Variants in CLCA1 observed in about 807,000 individuals in gnomAD.
The protein encoded by CLCA1 is calcium-activated chloride channel regulator 1.
Under a neutral mutation model 85.6 loss-of-function variants are expected in CLCA1, and 59 were observed. That is an observed-to-expected ratio of 0.69 (90% CI 0.56 to 0.86). The LOEUF (loss-of-function observed/expected upper bound fraction) is 0.86. Ranked by LOEUF, CLCA1 falls within the 40% of genes least tolerant of loss-of-function variation. The pLI, the probability that CLCA1 is intolerant of heterozygous loss-of-function variation, is 0.00. For missense variants in CLCA1, 1,022 were observed against 1,101.4 expected (o/e 0.93, Z 1.02); for synonymous variants, 396 against 398.3 (o/e 0.99, Z 0.07).
intron 4 of CLCA1, among the ~76,000 whole-genome samples, chr1:86,478,243 T>C (rs939523832): frequency 6.6e-6 from 1 of 151,962 alleles, no homozygotes; most frequent in Non-Finnish European, 1.5e-5. Context: ...CTGGCCAACA[T>C]GGAAAACTCC....
Position 86,473,921 on chromosome 1 carries a change from A to G in CLCA1, c.451+45A>G, listed in dbSNP as rs142655328. 78 of 1,447,412 alleles carry G rather than the reference A, an allele frequency of 5.4e-5. No individual in the cohort carries two copies. The African/African-American group carries it at 8.5e-4, about 16-fold the overall frequency. 89.7% of individuals were successfully genotyped at this position (1,447,412 alleles called of 1,614,324 possible). ...ACTTCTCATACAATTTAACTATTTT[A>G]TGTTCAAAGTGTATCAACACTAGCA... On this transcript the variant is annotated intron_variant, in intron 3 of 13. Coordinates refer to ENST00000394711, the MANE Select transcript of CLCA1 (RefSeq NM_001285.4).
chr1:86,475,256 C>G (rs1198272263), intron 3 of CLCA1, among the ~76,000 whole-genome samples: 1 of 152,196 alleles, frequency 6.6e-6, no homozygotes, highest in Non-Finnish European at 1.5e-5. Flanking sequence ...TTTAAAGAGA[C>G]CACCAATACC....
intron 7 of CLCA1, 91 bp downstream of exon 7, chr1:86,486,844 G>T: frequency 9.0e-7 from 1 of 1,108,544 alleles, no homozygotes; most frequent in Non-Finnish European, 1.4e-6. Context: ...ACATGCCTAG[G>T]GTCCAACTGG....
At chr1:86,494,125 T>C in intron 10 of CLCA1, 62 bp from the exon 11 acceptor site, 2 of 1,585,884 alleles carry the variant, frequency 1.3e-6, no homozygotes, top group Non-Finnish European at 1.7e-6. Context: ...TACGTGACAT[T>C]GAAGTCAGGT....
At chr1:86,484,356 T>C (rs1020077956) in intron 5 of CLCA1, among the ~76,000 whole-genome samples, 3 of 152,168 alleles carry the variant, frequency 2.0e-5, no homozygotes, top group South Asian at 2.1e-4. Context: ...GTTTACAACG[T>C]AGAAGACAGA....
rs1298172298 is a variant in CLCA1 at position 86,482,421 on chromosome 1, T to C, written c.735+39T>C. The C allele has an allele frequency of 1.9e-6, 3 of 1,573,178 alleles. No individual in the cohort carries two copies. The African/African-American group carries it at 4.1e-5, about 21-fold the overall frequency. On this transcript the variant is annotated intron_variant, in intron 5 of 13. Coordinates refer to ENST00000394711, the MANE Select transcript of CLCA1 (RefSeq NM_001285.4). The stretch of plus-strand genomic sequence containing the variant: ...TCTCACCCCCTCCCCCAGATTCTTA[T>C]GAATTTAGTGAGGCTTTTACTCCAA...
At chr1:86,491,187 G>A (rs747428205) in intron 8 of CLCA1, 78 bp from the exon 9 acceptor site, 13 of 936,318 alleles carry the variant, frequency 1.4e-5, no homozygotes, top group Non-Finnish European at 2.0e-5. Context: ...TATATTGTAT[G>A]CTCTCTAAAC....
intron 8 of CLCA1, among the ~76,000 whole-genome samples, chr1:86,490,820 T>A (rs1181263110): frequency 6.6e-6 from 1 of 151,184 alleles, no homozygotes; most frequent in Non-Finnish European, 1.5e-5. Context: ...AATCCCAGAA[T>A]TTTAGGAGGC....
intron 3 of CLCA1, among the ~76,000 whole-genome samples, chr1:86,475,132 C>T (rs1647608232): frequency 6.6e-6 from 1 of 152,166 alleles, no homozygotes; most frequent in African/African-American, 2.4e-5. Flanking sequence ...ATTGACCTGA[C>T]TGCCTCATCC....
Position 86,493,606 on chromosome 1 carries a change from A to G in CLCA1, c.1680+7A>G, listed in dbSNP as rs1470980320. The stretch of plus-strand genomic sequence containing the variant: ...AATCCCAGGCATTGCTAAGGTATGG[A>G]GTCAGCTTTTTTTCTTTCTCATAAT... On this transcript the variant is annotated splice_region_variant and intron_variant, in intron 10 of 13. Coordinates refer to ENST00000394711, the MANE Select transcript of CLCA1 (RefSeq NM_001285.4). 37 of 1,600,152 alleles carry G rather than the reference A, an allele frequency of 2.3e-5. No individual in the cohort carries two copies. The highest frequency in any genetic ancestry group is 2.9e-5 in the Non-Finnish European group (34 of 1,168,460).
At position 86,494,846 on chromosome 1, in the gene CLCA1, C is replaced by T. The variant is rs894986533; in HGVS notation, c.1942+398C>T. ...ACATATATACAAAGATGTATATAACCTTTGTTTTTATAATATCTTCACTGA... is the reference window on the plus strand; with the variant it reads ...ACATATATACAAAGATGTATATAACTTTTGTTTTTATAATATCTTCACTGA... On this transcript the variant is annotated intron_variant, in intron 11 of 13. Transcript: ENST00000394711. Among the ~76,000 whole-genome samples the T allele has an allele frequency of 1.4e-4, 21 of 151,990 alleles. No individual in the cohort carries two copies. The South Asian group carries it at 1.5e-3, about 11-fold the overall frequency.
intron 11 of CLCA1, among the ~76,000 whole-genome samples, chr1:86,495,277 A>G (rs947935983): frequency 1.3e-5 from 2 of 152,234 alleles, no homozygotes; most frequent in African/African-American, 4.8e-5. Context: ...ATACCATCTT[A>G]GATTTCAAAA....
At chr1:86,475,854 G>T (rs1453102356) in intron 3 of CLCA1, among the ~76,000 whole-genome samples, 1 of 152,194 alleles carries the variant, frequency 6.6e-6, no homozygotes, top group African/African-American at 2.4e-5. Context: ...CAGGCCTGAG[G>T]CATCAGGGAC....
intron 6 of CLCA1, 86 bp downstream of exon 6, chr1:86,485,647 C>T (rs935835442): frequency 1.6e-6 from 2 of 1,221,088 alleles, no homozygotes; most frequent in Non-Finnish European, 1.2e-6. Context: ...TGCGAATAAA[C>T]ATAACCCGAG....
rs1648127526 is a variant in CLCA1, at chr1:86,491,280, A to T, written c.1373A>T (p.Tyr458Phe). Residue 458 changes from tyrosine to phenylalanine, a missense_variant, in exon 9 of 14, where the codon TAT becomes TTT. Tyr to Phe is a conservative substitution (Grantham distance 22, BLOSUM62 3). Transcript: ENST00000394711. The stretch of plus-strand genomic sequence containing the variant: ...TGCATTTTAGGAGGTTTACAGACAT[A>T]TGCTTCAGATCAAGTTCAGAACAAT... ...LSKMTGGLQT[Y>F]ASDQVQNNGL... is the part of the protein sequence containing the mutation. 1 of 1,612,910 alleles carries T rather than the reference A, an allele frequency of 6.2e-7. No individual in the cohort carries two copies. The highest frequency in any genetic ancestry group is 2.2e-5 in the East Asian group (1 of 44,860).
intron 7 of CLCA1, among the ~76,000 whole-genome samples, chr1:86,488,172 C>G (rs569060569): frequency 2.6e-4 from 40 of 152,166 alleles, no homozygotes; most frequent in Non-Finnish European, 4.4e-4. Flanking sequence ...GCCTTCTTAT[C>G]TGAGATTCTA....
chr1:86,473,629 C>G, intron 2 of CLCA1, 72 bp downstream of exon 2: 1 of 1,483,672 alleles, frequency 6.7e-7, no homozygotes, highest in Non-Finnish European at 9.2e-7. Flanking sequence ...TCAAAATATT[C>G]TAGAATCAAA....
intron 6 of CLCA1, among the ~76,000 whole-genome samples, chr1:86,485,887 A>T (rs1313548655): frequency 6.6e-6 from 1 of 152,208 alleles, no homozygotes; most frequent in Non-Finnish European, 1.5e-5. Flanking sequence ...TGCTATAAAG[A>T]AATACCCAAG....
intron 3 of CLCA1, among the ~76,000 whole-genome samples, chr1:86,474,268 C>A (rs573529662): frequency 6.6e-6 from 1 of 152,302 alleles, no homozygotes; most frequent in Admixed American, 6.5e-5. Context: ...CTCAGACGTG[C>A]ATTCAAATTA....
Sources: allele counts gnomAD v4.1 joint callset (sites outside exome capture counted in the v4.1 genomes callset), GRCh38; gene constraint gnomAD v4.1.1; transcripts MANE v1.5; gene names NCBI Gene and HGNC (gene_info 2026-07-23, HGNC 2026-07-21).